Variants in PREX1 observed in about 807,000 individuals in gnomAD.
PREX1 encodes phosphatidylinositol-3,4,5-trisphosphate dependent Rac exchange factor 1, also known as phosphatidylinositol 3,4,5-trisphosphate-dependent Rac exchanger 1 protein.
Under a neutral mutation model 198.3 loss-of-function variants are expected in PREX1, and 41 were observed. The observed-to-expected ratio is 0.21, with a 90% confidence interval of 0.16 to 0.27. The LOEUF (loss-of-function observed/expected upper bound fraction) is 0.27. PREX1 is among the 10% of genes least tolerant of loss of function. The pLI, the probability that PREX1 is intolerant of heterozygous loss-of-function variation, is 1.00. For synonymous variants in PREX1, 843 were observed against 887.2 expected, an observed-to-expected ratio of 0.95 and a Z score of 0.89; for missense variants, 1,620 against 2,200.7, an observed-to-expected ratio of 0.74 and a Z score of 5.28.
rs373223442 is a variant in PREX1 at position 48,811,628 on chromosome 20, C to CCA, written c.219+16012_219+16013dup. 8.4e-4 allele frequency among the ~76,000 whole-genome samples: 107 copies of CCA among 127,852 alleles called. 1 individual carries two copies. Among genetic ancestry groups the CCA allele is most frequent in the African/African-American group, 3.1e-3 (93 of 30,408 alleles). 83.9% of individuals were successfully genotyped at this position (127,852 alleles called of 152,430 possible). On this transcript the variant is annotated intron_variant, in intron 1 of 39. Coordinates refer to ENST00000371941, the MANE Select transcript of PREX1 (RefSeq NM_020820.4). ...TGACAAGACCTGGATACACACCCCC[C>CCA]CACACACACACACACGTACGTGTGC...
At chr20:48,675,028 G>A (rs2089698849) in intron 14 of PREX1, among the ~76,000 whole-genome samples, 1 of 152,304 alleles carries the variant, frequency 6.6e-6, no homozygotes, top group Non-Finnish European at 1.5e-5. Flanking sequence ...GTCTACTGAG[G>A]AATGAATGGA....
chr20:48,647,648 C>T (rs1021720482), intron 25 of PREX1, among the ~76,000 whole-genome samples: 8 of 152,004 alleles, frequency 5.3e-5, no homozygotes, highest in African/African-American at 1.9e-4. Context: ...ATTTGACAAA[C>T]GAGGAAACCA....
intron 1 of PREX1, among the ~76,000 whole-genome samples, chr20:48,804,390 C>T (rs1352583689): frequency 1.3e-5 from 2 of 152,032 alleles, no homozygotes; most frequent in African/African-American, 4.8e-5. Flanking sequence ...CGATGGGAGG[C>T]CAGGGAAGGC....
intron 13 of PREX1, among the ~76,000 whole-genome samples, chr20:48,676,619 G>A (rs952963808): frequency 1.4e-4 from 22 of 152,312 alleles, no homozygotes; most frequent in African/African-American, 4.6e-4. Flanking sequence ...GGAGGGGCTA[G>A]GGCAGGGGTG....
At chr20:48,678,518 T>C (rs948896075) in intron 13 of PREX1, among the ~76,000 whole-genome samples, 1 of 151,780 alleles carries the variant, frequency 6.6e-6, no homozygotes, top group South Asian at 2.1e-4. Context: ...GGAGCTGATA[T>C]CGTTGGGTTG....
At chr20:48,832,142 G>GA (rs11481327), upstream of PREX1, among the ~76,000 whole-genome samples, 11,796 of 150,586 alleles carry the variant, frequency 0.078, 977 homozygotes, top group African/African-American at 0.21. Context: ...TCAGGGGGAA[G>GA]AAAAAAAAAG....
intron 1 of PREX1, among the ~76,000 whole-genome samples, chr20:48,774,914 G>A (rs922391441): frequency 2.0e-5 from 3 of 152,218 alleles, no homozygotes; most frequent in East Asian, 1.9e-4. Flanking sequence ...TCCACAGAGC[G>A]AGGCTGAATT....
At chr20:48,660,672 G>T (rs190071622) in intron 15 of PREX1, among the ~76,000 whole-genome samples, 27 of 151,918 alleles carry the variant, frequency 1.8e-4, no homozygotes, top group African/African-American at 6.6e-4. Flanking sequence ...ACCTCCATTC[G>T]ATAACAACTC....
Position 48,652,713 on chromosome 20 carries a change from G to A in PREX1, c.2347-7C>T, listed in dbSNP as rs2089509351. On this transcript the variant is annotated splice_region_variant and splice_polypyrimidine_tract_variant and intron_variant, in intron 20 of 39. Coordinates refer to ENST00000371941, the MANE Select transcript of PREX1 (RefSeq NM_020820.4). ...AGATCCACTGGTACAGGCCCTGCCA[G>A]AAGCCAGAGTAAGGGGACAGCCATG... 6.2e-7 allele frequency: 1 copy of A among 1,610,484 alleles called. No individual in the cohort carries two copies. The highest frequency in any genetic ancestry group is 8.5e-7 in the Non-Finnish European group (1 of 1,178,078).
chr20:48,699,043 A>G (rs761272), intron 7 of PREX1, among the ~76,000 whole-genome samples: 86,435 of 152,052 alleles, frequency 0.57, 26,416 homozygotes, highest in African/African-American at 0.8. Flanking sequence ...AAGAGAAAAC[A>G]AAGGCTCAGG....
chr20:48,699,782 T>C (rs1023019007), intron 7 of PREX1, among the ~76,000 whole-genome samples: 6 of 152,174 alleles, frequency 3.9e-5, no homozygotes, highest in Non-Finnish European at 7.4e-5. Flanking sequence ...CTACCATTCA[T>C]CTAGACACAT....
chr20:48,716,326 A>C (rs1449584891), intron 5 of PREX1, among the ~76,000 whole-genome samples: 1 of 152,216 alleles, frequency 6.6e-6, no homozygotes, highest in East Asian at 1.9e-4. Context: ...CATTTACTCA[A>C]AGGATGTCCA....
chr20:48,783,658 C>G (rs1279953855), intron 1 of PREX1, among the ~76,000 whole-genome samples: 1 of 152,102 alleles, frequency 6.6e-6, no homozygotes, highest in Admixed American at 6.5e-5. Flanking sequence ...AAACCGAGAG[C>G]CCACAGCACC....
intron 10 of PREX1, among the ~76,000 whole-genome samples, chr20:48,685,167 T>C (rs1197924476): frequency 6.6e-6 from 1 of 152,226 alleles, no homozygotes; most frequent in Non-Finnish European, 1.5e-5. Flanking sequence ...ATCTGTCCTA[T>C]TCCCGACTGG....
chr20:48,853,086 C>T, the PREX1 span, among the ~76,000 whole-genome samples: 33 of 152,232 alleles, frequency 2.2e-4, no homozygotes, highest in Non-Finnish European at 1.2e-4. Flanking sequence ...GGGAGGGTGA[C>T]ATTTTACTGT....
chr20:48,659,151 G>GGGGAGGGGAGAAAGGGGAA (rs2089569078), intron 16 of PREX1, among the ~76,000 whole-genome samples: 1 of 144,590 alleles, frequency 6.9e-6, no homozygotes, highest in African/African-American at 2.6e-5. Context: ...AGAGGAGAGA[G>GGGGAGGGGAGAAAGGGGAA]GGGAGGGGAG....
chr20:48,882,746 T>C, the PREX1 span, among the ~76,000 whole-genome samples: 1 of 151,942 alleles, frequency 6.6e-6, no homozygotes. Context: ...CTGACACTTG[T>C]TATTATCTGT....
chr20:48,688,725 G>A lies in PREX1; in HGVS notation c.1266C>T (p.Asn422=). Residue 422 remains asparagine (N), a synonymous_variant, in exon 10 of 40, where the codon AAC becomes AAT. Transcript: ENST00000371941. Reference sequence around the variant, plus strand: ...GGTCCTTGATGAGGTTCACCTTCTTGTTCATCATCATGTGGTACAGCTTCT... The same window carrying A: ...GGTCCTTGATGAGGTTCACCTTCTTATTCATCATCATGTGGTACAGCTTCT... The part of the protein sequence containing the change: ...KGEKLYHMMM[N]KKVNLIKDRR... 6.2e-7 allele frequency: 1 copy of A among 1,614,192 alleles called. No homozygotes were observed. Among genetic ancestry groups the A allele is most frequent in the Non-Finnish European group, 8.5e-7 (1 of 1,180,036 alleles).
chr20:48,632,171 G>A (rs972406339), intron 35 of PREX1, 106 bp downstream of exon 35: 57 of 1,029,074 alleles, frequency 5.5e-5, no homozygotes, highest in Non-Finnish European at 7.2e-5. Flanking sequence ...AAGGGTGTGC[G>A]GCCCACTGCC....
Sources: allele counts gnomAD v4.1 joint callset (sites outside exome capture counted in the v4.1 genomes callset), GRCh38; gene constraint gnomAD v4.1.1; transcripts MANE v1.5; gene names NCBI Gene and HGNC (gene_info 2026-07-23, HGNC 2026-07-21).